The following MET variants were observed in gnomAD, a reference collection of about 807,000 sequenced individuals.
MET encodes the protein MET proto-oncogene, receptor tyrosine kinase.
MET carries 48 observed loss-of-function variants against 133.1 expected under a neutral mutation model. The ratio of observed to expected loss-of-function variants is 0.36; its 90% CI spans 0.29 to 0.46. The LOEUF is 0.46. MET is among the 20% of genes least tolerant of loss of function. MET has a pLI of 1.00. For synonymous variants in MET, 628 were observed against 616.5 expected, an observed-to-expected ratio of 1.02 and a Z score of -0.28; for missense variants, 1,442 against 1,695.9, an observed-to-expected ratio of 0.85 and a Z score of 2.63.
intron 9 of MET, 57 bp downstream of exon 9, chr7:116,758,677 T>C (rs1378129046): frequency 7.1e-6 from 11 of 1,560,062 alleles, no homozygotes; most frequent in African/African-American, 1.4e-5. Flanking sequence ...ATGATTTTGC[T>C]GTAGAATAGT....
chr7:116,774,396 C>A (rs934518588), intron 14 of MET, among the ~76,000 whole-genome samples: 2 of 152,184 alleles, frequency 1.3e-5, no homozygotes, highest in African/African-American at 4.8e-5. Flanking sequence ...GGGAATATAG[C>A]CATTATTTAT....
Position 116,699,189 on chromosome 7 carries a change from G to C in MET, c.105G>C (p.Met35Ile), listed in dbSNP as rs376244358. Residue 35 changes from methionine (M) to isoleucine (I), a missense_variant, in exon 2 of 21, where the codon ATG becomes ATC. Met to Ile is a conservative substitution (Grantham distance 10). Transcript: ENST00000397752. Reference sequence around the variant, plus strand: ...AAGAGGCACTAGCAAAGTCCGAGATGAATGTGAATATGAAGTATCAGCTTC... The same window carrying C: ...AAGAGGCACTAGCAAAGTCCGAGATCAATGTGAATATGAAGTATCAGCTTC... ...ECKEALAKSEMNVNMKYQLPN... is the reference protein window; with the variant it reads ...ECKEALAKSEINVNMKYQLPN... 1.2e-5 allele frequency: 20 copies of C among 1,613,848 alleles called. No individual in the cohort carries two copies. In the African/African-American group the frequency reaches 2.1e-4, roughly 17 times the overall value.
chr7:116,733,725 T>C (rs1488461185), intron 3 of MET, among the ~76,000 whole-genome samples: 2 of 152,354 alleles, frequency 1.3e-5, no homozygotes, highest in African/African-American at 4.8e-5. Flanking sequence ...ACTGATTTTT[T>C]TTAAAAGTGG....
At chr7:116,734,326 A>T (rs1793133055) in intron 3 of MET, among the ~76,000 whole-genome samples, 1 of 152,122 alleles carries the variant, frequency 6.6e-6, no homozygotes, top group African/African-American at 2.4e-5. Context: ...TGCTTTGCAA[A>T]TTTTTTTCTC....
At chr7:116,719,464 C>G (rs1040577560) in intron 2 of MET, among the ~76,000 whole-genome samples, 3 of 152,122 alleles carry the variant, frequency 2.0e-5, no homozygotes, top group African/African-American at 4.8e-5. Flanking sequence ...ATGATAGTTT[C>G]TTTTGCTGTG....
At chr7:116,711,248 G>A (rs772778479) in intron 2 of MET, among the ~76,000 whole-genome samples, 2 of 152,256 alleles carry the variant, frequency 1.3e-5, no homozygotes, top group Admixed American at 6.5e-5. Context: ...CAACCTGAAC[G>A]TAGTTCCCCA....
At chr7:116,735,802 T>C (rs1486901783) in intron 3 of MET, among the ~76,000 whole-genome samples, 3 of 145,436 alleles carry the variant, frequency 2.1e-5, no homozygotes, top group African/African-American at 7.6e-5. Context: ...TTTTTCACAG[T>C]GTCTCGCTCT....
At position 116,786,082 on chromosome 7, in the gene MET, G is replaced by C. The variant is rs181496887; in HGVS notation, c.3798+2613G>C. 1.8e-4 allele frequency among the ~76,000 whole-genome samples: 28 copies of C among 152,380 alleles called. No homozygotes were observed. In the East Asian group the frequency reaches 4.8e-3, roughly 26 times the overall value. ...GTATTTCTAACCATTCTGAAGGCTA[G>C]AAGTCCAAGATCAGGATGTCAGCAT... On this transcript the variant is annotated intron_variant, in intron 19 of 20. Transcript: ENST00000397752.
At chr7:116,681,482 C>T (rs1796356789) in intron 1 of MET, among the ~76,000 whole-genome samples, 2 of 152,182 alleles carry the variant, frequency 1.3e-5, no homozygotes, top group African/African-American at 4.8e-5. Flanking sequence ...TATATATTAG[C>T]TTTCCTTGAG....
At chr7:116,676,510 T>C (rs1391519514) in intron 1 of MET, among the ~76,000 whole-genome samples, 1 of 152,220 alleles carries the variant, frequency 6.6e-6, no homozygotes, top group Non-Finnish European at 1.5e-5. Flanking sequence ...CTCTGTTCTA[T>C]TGAGTTGGCA....
At chr7:116,716,485 G>GA (rs1210932614) in intron 2 of MET, among the ~76,000 whole-genome samples, 1 of 135,808 alleles carries the variant, frequency 7.4e-6, no homozygotes, top group African/African-American at 2.8e-5. Flanking sequence ...AAGAAAGAAA[G>GA]AAAGAAAGAA....
Position 116,699,736 on chromosome 7 carries a change from A to C in MET, c.652A>C (p.Arg218=). Residue 218 remains arginine (R), a synonymous_variant, in exon 2 of 21, where the codon AGG becomes CGG. Transcript: ENST00000397752. ...DHPLHSISVR[R]LKETKDGFMF... is the part of the protein sequence containing the mutation. ...TCCATTGCATTCGATATCAGTGAGA[A>C]GGCTAAAGGAAACGAAAGATGGTTT... The C allele has an allele frequency of 6.2e-7, 1 of 1,614,122 alleles. No homozygotes were observed. Among genetic ancestry groups the C allele is most frequent in the Non-Finnish European group, 8.5e-7 (1 of 1,179,982 alleles).
chr7:116,769,128 A>G (rs1794743031), intron 11 of MET, among the ~76,000 whole-genome samples: 1 of 152,254 alleles, frequency 6.6e-6, no homozygotes, highest in South Asian at 2.1e-4. Context: ...TATTAACATA[A>G]CATAATACAG....
chr7:116,750,194 G>A (rs755557635), intron 5 of MET, among the ~76,000 whole-genome samples: 19 of 151,798 alleles, frequency 1.3e-4, no homozygotes, highest in African/African-American at 2.2e-4. Context: ...CTACAAGGTT[G>A]CAGTAACCAA....
chr7:116,761,880 C>A (rs543010238), intron 10 of MET, among the ~76,000 whole-genome samples: 95 of 152,116 alleles, frequency 6.2e-4, no homozygotes, highest in African/African-American at 2.0e-3. Context: ...ATAACAAATT[C>A]TGTTTGTCCT....
Position 116,763,196 on chromosome 7 carries a change from T to A in MET, c.2511T>A (p.His837Gln). The change falls in exon 11 of 21, where the codon CAT (histidine) becomes CAA (glutamine). Residue 837 changes from histidine to glutamine, a missense_variant. Around this residue, in one of 6 missense-constraint regions of MET, gnomAD observed 514 missense variants for 659.6 expected, o/e 0.78. Coordinates refer to ENST00000397752, the MANE Select transcript of MET (RefSeq NM_000245.4). The part of the protein sequence containing the change: ...LSKYFDLIYV[H>Q]NPVFKPFEKP... ...AATACTTTGATCTCATTTATGTACATAATCCTGTGTTTAAGCCTTTTGAAA... is the reference window on the plus strand; with the variant it reads ...AATACTTTGATCTCATTTATGTACAAAATCCTGTGTTTAAGCCTTTTGAAA... 1 of 1,614,064 alleles carries A rather than the reference T, an allele frequency of 6.2e-7. No homozygotes were observed. The highest frequency in any genetic ancestry group is 8.5e-7 in the Non-Finnish European group (1 of 1,179,980).
intron 2 of MET, among the ~76,000 whole-genome samples, chr7:116,725,458 TGATATACATATATATATA>T (rs1792707990): frequency 7.8e-6 from 1 of 128,204 alleles, no homozygotes; most frequent in Non-Finnish European, 1.7e-5. Flanking sequence ...ATTTTTCTTA[TGATATACATATATATATA>T]TATATATATA....
At chr7:116,740,254 T>C (rs1562909033) in intron 4 of MET, 170 bp downstream of exon 4, 2 of 802,718 alleles carry the variant, frequency 2.5e-6, no homozygotes, top group Non-Finnish European at 2.1e-6. Flanking sequence ...AGTTAATTTG[T>C]TCTCCAAGAA....
In MET at chr7:116,769,548, G is replaced by T. The variant is rs562189308; in HGVS notation, c.2584-97G>T. The T allele has an allele frequency of 1.0e-4, 145 of 1,448,832 alleles. 1 individual carries two copies. Among genetic ancestry groups the T allele is most frequent in the Non-Finnish European group, 1.3e-4 (137 of 1,048,078 alleles). The allele number at this position is 1,448,832 out of a possible 1,614,324, so 89.7% of individuals were successfully genotyped here. A position where few individuals can be genotyped will look rare whatever the true frequency, so the allele number is the denominator to read the frequency against. ...ATCGTGTGCCTTGGCAAACAACATG[G>T]CCTGTGTTTGCAGTATATTTATATT... On this transcript the variant is annotated intron_variant, in intron 11 of 20. Coordinates refer to ENST00000397752, the MANE Select transcript of MET (RefSeq NM_000245.4).
Sources: allele counts gnomAD v4.1 joint callset (sites outside exome capture counted in the v4.1 genomes callset), GRCh38; gene constraint gnomAD v4.1.1; regional missense constraint gnomAD v4.1.1; transcripts MANE v1.5; gene names NCBI Gene and HGNC (gene_info 2026-07-23, HGNC 2026-07-21).